Variants in SDK2 observed in about 807,000 individuals in gnomAD.
SDK2 encodes the protein protein sidekick-2.
A neutral mutation model predicts 253.9 loss-of-function variants in SDK2; 105 were observed. The ratio of observed to expected loss-of-function variants is 0.41; its 90% CI spans 0.35 to 0.49. The LOEUF is 0.49. Among genes scored for constraint, SDK2 ranks in the 20% least tolerant of loss-of-function variants. The pLI, the probability that SDK2 is intolerant of heterozygous loss-of-function variation, is 0.06. For missense variants in SDK2, 2,608 were observed against 3,003.0 expected (o/e 0.87, Z 3.07); for synonymous variants, 1,249 against 1,234.9 (o/e 1.01, Z -0.24).
intron 2 of SDK2, among the ~76,000 whole-genome samples, chr17:73,491,817 G>C (rs2063808127): frequency 6.6e-6 from 1 of 152,242 alleles, no homozygotes. Context: ...CCAGAACTGT[G>C]CTAAGGAAGC....
At chr17:73,632,682 C>G (rs939547547) in intron 1 of SDK2, among the ~76,000 whole-genome samples, 1 of 152,156 alleles carries the variant, frequency 6.6e-6, no homozygotes, top group South Asian at 2.1e-4. Flanking sequence ...TCTAGAGAAC[C>G]CTGACTAATA....
chr17:73,592,022 A>C (rs790087), intron 1 of SDK2, among the ~76,000 whole-genome samples: 4 of 152,120 alleles, frequency 2.6e-5, no homozygotes, highest in Non-Finnish European at 4.4e-5. Context: ...TCTCACCCAC[A>C]TGAGGGGGGA....
chr17:73,619,872 G>GAAC (rs1004784876), intron 1 of SDK2, among the ~76,000 whole-genome samples: 35 of 152,036 alleles, frequency 2.3e-4, no homozygotes, highest in East Asian at 7.8e-4. Flanking sequence ...CCTTACAACT[G>GAAC]AACAACAACA....
intron 36 of SDK2, among the ~76,000 whole-genome samples, chr17:73,369,923 C>A (rs1257498814): frequency 6.6e-6 from 1 of 152,184 alleles, no homozygotes; most frequent in African/African-American, 2.4e-5. Context: ...GGGTTACAGG[C>A]GCGAACCACC....
At position 73,465,370 on chromosome 17, in the gene SDK2, G is replaced by A. The variant is rs1332988725; in HGVS notation, c.331+6742C>T. 1.3e-5 allele frequency among the ~76,000 whole-genome samples: 2 copies of A among 152,124 alleles called. No individual in the cohort carries two copies. Among genetic ancestry groups the A allele is most frequent in the Non-Finnish European group, 2.9e-5 (2 of 68,016 alleles). ...TTCAAGTCTGAGTCCCACAGATGAG[G>A]GCTGGGGGAAGGGGTCAGGAGGTCT... On this transcript the variant is annotated intron_variant, in intron 3 of 44. Transcript: ENST00000392650. This position sits in a 1 kb window ranked among gnomAD's most constrained non-coding sequence, Gnocchi z 4.2.
intron 39 of SDK2, among the ~76,000 whole-genome samples, chr17:73,359,119 G>C (rs2062618967): frequency 6.6e-6 from 1 of 152,088 alleles, no homozygotes; most frequent in Admixed American, 6.5e-5. Context: ...TGGGTACACA[G>C]TAGGTGCTTC....
chr17:73,598,488 T>G (rs1946066475), intron 1 of SDK2, among the ~76,000 whole-genome samples: 1 of 152,158 alleles, frequency 6.6e-6, no homozygotes, highest in Non-Finnish European at 1.5e-5. Flanking sequence ...ACAGTGCCTG[T>G]CTCCCCTGGC....
intron 36 of SDK2, among the ~76,000 whole-genome samples, chr17:73,375,638 C>T (rs1423210554): frequency 3.3e-5 from 5 of 152,152 alleles, no homozygotes; most frequent in Admixed American, 1.3e-4. Context: ...GGCGGATCAC[C>T]TGGGGTCAGG....
chr17:73,449,506 A>T (rs113459765), intron 4 of SDK2, among the ~76,000 whole-genome samples: 1 of 151,612 alleles, frequency 6.6e-6, no homozygotes, highest in African/African-American at 2.4e-5. Context: ...GGTGCTTCAC[A>T]TGCTGAGAAT....
chr17:73,463,191 T>C (rs2063575654), intron 3 of SDK2, among the ~76,000 whole-genome samples: 1 of 152,176 alleles, frequency 6.6e-6, no homozygotes, highest in Non-Finnish European at 1.5e-5. Flanking sequence ...TAATACGCCG[T>C]GTTATGCCCT....
At position 73,609,136 on chromosome 17, in the gene SDK2, G is replaced by GGGGAAGAT. The variant is rs2045943615; in HGVS notation, c.64+34888_64+34889insATCTTCCC. Among the ~76,000 whole-genome samples the GGGGAAGAT allele has an allele frequency of 6.6e-6, 1 of 152,294 alleles. No homozygotes were observed. The highest frequency in any genetic ancestry group is 1.9e-4 in the East Asian group (1 of 5,184). ...CCTTTTTGGGGAAGATCAGGAGTTT[G>GGGGAAGAT]CAAGACCTTGTGTGTGTTCAGTTGG... On this transcript the variant is annotated intron_variant, in intron 1 of 44. Coordinates refer to ENST00000392650, the MANE Select transcript of SDK2 (RefSeq NM_001144952.2). The surrounding 1 kb of genome is among the most constrained non-coding windows in gnomAD (Gnocchi z 4.4).
At position 73,379,526 on chromosome 17, in the gene SDK2, C is replaced by G; in HGVS notation, c.4786G>C (p.Glu1596Gln). Residue 1596 changes from glutamate to glutamine, a missense_variant, in exon 35 of 45, where the codon GAG (glutamate) becomes CAG (glutamine). Glu to Gln is a conservative substitution (Grantham distance 29). Coordinates refer to ENST00000392650, the MANE Select transcript of SDK2 (RefSeq NM_001144952.2). This position sits in a 1 kb window ranked among gnomAD's most constrained non-coding sequence, Gnocchi z 4.5. ...GCGTTGTACACGCTCATCCGTATCT[C>G]GTACCGCCTGTGCTTGTTCAGGTCT... ...LDNLNKHRRY[E>Q]IRMSVYNAVG... 6.2e-7 allele frequency: 1 copy of G among 1,612,288 alleles called. No individual in the cohort carries two copies. Among genetic ancestry groups the G allele is most frequent in the Non-Finnish European group, 8.5e-7 (1 of 1,179,088 alleles).
intron 1 of SDK2, among the ~76,000 whole-genome samples, chr17:73,512,550 T>C (rs796353218): frequency 0.021 from 3,135 of 148,944 alleles, 106 homozygotes; most frequent in African/African-American, 0.07. Context: ...CACACACACA[T>C]ACACACACAC....
chr17:73,546,620 T>TAGTC (rs1277458695), intron 1 of SDK2, among the ~76,000 whole-genome samples: 1 of 152,190 alleles, frequency 6.6e-6, no homozygotes, highest in Non-Finnish European at 1.5e-5. Context: ...GGCCATGGCC[T>TAGTC]GGACTGGGCA....
intron 18 of SDK2, among the ~76,000 whole-genome samples, chr17:73,412,219 T>C (rs1343029951): frequency 6.7e-6 from 1 of 149,532 alleles, no homozygotes; most frequent in Non-Finnish European, 1.5e-5. Flanking sequence ...TATATGCATA[T>C]ACACATATAC....
intron 1 of SDK2, among the ~76,000 whole-genome samples, chr17:73,542,014 AT>A (rs1256035347): frequency 7.2e-5 from 11 of 152,232 alleles, no homozygotes; most frequent in Non-Finnish European, 1.6e-4. Flanking sequence ...CAAGGATTAA[AT>A]AAAACAGCAT....
At position 73,390,420 on chromosome 17, in the gene SDK2, C is replaced by T; in HGVS notation, c.4059G>A (p.Leu1353=). 6.2e-7 allele frequency: 1 copy of T among 1,613,030 alleles called. No individual in the cohort carries two copies. The highest frequency in any genetic ancestry group is 1.3e-5 in the African/African-American group (1 of 75,042). The stretch of plus-strand genomic sequence containing the variant: ...CTGTGTACTGCCGGGCGCTGGGTGC[C>T]AGCACCTCCACAGTGGCGGTGTTGG... The part of the protein sequence containing the change: ...TTANTATVEV[L]APSARQYTAT... The change falls in exon 29 of 45, where the codon CTG becomes CTA. Residue 1353 remains leucine, a synonymous_variant. Coordinates refer to ENST00000392650, the MANE Select transcript of SDK2 (RefSeq NM_001144952.2).
In SDK2 at chr17:73,386,521, G is replaced by C. The variant is rs1487436688; in HGVS notation, c.4422C>G (p.Phe1474Leu). The change falls in exon 31 of 45, where the codon TTC (phenylalanine) becomes TTG (leucine). Residue 1474 changes from phenylalanine to leucine, a missense_variant. This residue lies in a region of SDK2 where 1,103 missense variants were observed against 1,143.9 expected (regional missense o/e 0.96). Transcript: ENST00000392650. The part of the protein sequence containing the change: ...DRLKPFTSYK[F>L]RVKATNDIGD... ...CAATGTCATTGGTCGCCTTCACTCG[G>C]AACTTGTAGGACGTGAAGGGCTTCA... 1.3e-6 allele frequency: 2 copies of C among 1,558,808 alleles called. No homozygotes were observed.
intron 31 of SDK2, among the ~76,000 whole-genome samples, chr17:73,386,205 A>G (rs1019927157): frequency 1.3e-5 from 2 of 152,164 alleles, no homozygotes; most frequent in Non-Finnish European, 2.9e-5. Flanking sequence ...TGTCCCGCTC[A>G]CTGGCAGCTT....
Sources: gnomAD v4.1 joint callset for allele counts (sites outside exome capture counted in the v4.1 genomes callset) on GRCh38, gnomAD v4.1.1 for gene constraint, gnomAD v4.1.1 regional missense constraint, Gnocchi (gnomAD v3.1) non-coding constraint, MANE v1.5 for transcripts, NCBI Gene and HGNC (gene_info 2026-07-23, HGNC 2026-07-21) for gene names.